Variants in KCNQ5 observed in about 807,000 individuals in gnomAD.
The protein encoded by KCNQ5 is potassium voltage-gated channel subfamily KQT member 5.
In KCNQ5, 30 loss-of-function variants were observed where a neutral mutation model predicts 98.2. The observed-to-expected ratio is 0.31, with a 90% CI of 0.23 to 0.41. KCNQ5 has a LOEUF of 0.41. KCNQ5 is among the 10% of genes least tolerant of loss of function. KCNQ5 has a pLI of 1.00. For missense variants in KCNQ5, 835 were observed against 1,182.5 expected (o/e 0.71, Z 4.31); for synonymous variants, 458 against 449.4 (o/e 1.02, Z -0.24).
At chr6:73,092,708 C>T (rs1774304608) in intron 5 of KCNQ5, among the ~76,000 whole-genome samples, 1 of 152,020 alleles carries the variant, frequency 6.6e-6, no homozygotes, top group African/African-American at 2.4e-5. Context: ...TGTGGTGTAT[C>T]ACATTTATTG....
chr6:72,729,927 G>A (rs1032067884), intron 1 of KCNQ5, among the ~76,000 whole-genome samples: 4 of 152,180 alleles, frequency 2.6e-5, no homozygotes, highest in Admixed American at 6.5e-5. Context: ...TTGGGAGGCC[G>A]AGGTGGGAGG....
chr6:72,697,478 A>G (rs1478089169), intron 1 of KCNQ5, among the ~76,000 whole-genome samples: 1 of 152,186 alleles, frequency 6.6e-6, no homozygotes, highest in Non-Finnish European at 1.5e-5. Flanking sequence ...CTAGATTTAA[A>G]CCTTAAACTA....
intron 1 of KCNQ5, among the ~76,000 whole-genome samples, chr6:72,955,546 AAAG>A (rs1052015320): frequency 2.0e-5 from 3 of 152,218 alleles, no homozygotes; most frequent in African/African-American, 7.2e-5. Flanking sequence ...TCTAATTAAA[AAAG>A]AAGATGTATA....
intron 10 of KCNQ5, among the ~76,000 whole-genome samples, chr6:73,168,528 C>A (rs1777887205): frequency 6.6e-6 from 1 of 152,100 alleles, no homozygotes; most frequent in South Asian, 2.1e-4. Flanking sequence ...CATGGTGAAA[C>A]CCCGTCTCTA....
At chr6:72,929,978 T>C (rs933630598) in intron 1 of KCNQ5, among the ~76,000 whole-genome samples, 6 of 152,156 alleles carry the variant, frequency 3.9e-5, no homozygotes, top group Non-Finnish European at 8.8e-5. Flanking sequence ...GGAAGCTTAG[T>C]GTAAGATTTG....
intron 1 of KCNQ5, among the ~76,000 whole-genome samples, chr6:72,967,340 T>C (rs1767667393): frequency 6.6e-6 from 1 of 152,206 alleles, no homozygotes; most frequent in Non-Finnish European, 1.5e-5. Flanking sequence ...TAGTGAAATA[T>C]AATGGTATTA....
At chr6:72,707,186 G>A (rs1313454863) in intron 1 of KCNQ5, among the ~76,000 whole-genome samples, 3 of 152,142 alleles carry the variant, frequency 2.0e-5, no homozygotes, top group African/African-American at 7.2e-5. Flanking sequence ...TAAAAGTATT[G>A]AAAATTTTTA....
At chr6:72,920,458 G>A (rs898347178) in intron 1 of KCNQ5, among the ~76,000 whole-genome samples, 1 of 152,170 alleles carries the variant, frequency 6.6e-6, no homozygotes, top group African/African-American at 2.4e-5. Context: ...ACGCATCTAA[G>A]ATAATCCGTG....
intron 3 of KCNQ5, among the ~76,000 whole-genome samples, chr6:73,061,445 C>T (rs1344432060): frequency 6.6e-6 from 1 of 152,046 alleles, no homozygotes; most frequent in East Asian, 1.9e-4. Flanking sequence ...TAGATGTTGA[C>T]TATTATTATT....
At chr6:72,692,414 G>C (rs1768257709) in intron 1 of KCNQ5, among the ~76,000 whole-genome samples, 1 of 152,178 alleles carries the variant, frequency 6.6e-6, no homozygotes, top group Non-Finnish European at 1.5e-5. Context: ...GATTATCAAG[G>C]TTCATGCAAC....
At chr6:73,026,306 C>G (rs1255536043) in intron 2 of KCNQ5, among the ~76,000 whole-genome samples, 2 of 152,154 alleles carry the variant, frequency 1.3e-5, no homozygotes, top group African/African-American at 4.8e-5. Flanking sequence ...TCCCAGATAT[C>G]CTCACCTCCT....
intron 1 of KCNQ5, among the ~76,000 whole-genome samples, chr6:72,832,385 T>C (rs1377893042): frequency 3.3e-5 from 5 of 152,122 alleles, no homozygotes; most frequent in Non-Finnish European, 7.4e-5. Context: ...AGTTCTCAAC[T>C]GAGGGCAATA....
chr6:73,154,747 T>A (rs1302541190), intron 10 of KCNQ5, among the ~76,000 whole-genome samples: 2 of 152,222 alleles, frequency 1.3e-5, no homozygotes, highest in African/African-American at 4.8e-5. Flanking sequence ...TACTTTAAAC[T>A]TCTTTTGCCT....
chr6:73,047,685 G>A (rs993394034), intron 3 of KCNQ5, among the ~76,000 whole-genome samples: 3 of 152,130 alleles, frequency 2.0e-5, no homozygotes, highest in African/African-American at 7.2e-5. Flanking sequence ...ACTATCACAT[G>A]TTACATAAGA....
chr6:73,072,140 A>T (rs919420330), intron 3 of KCNQ5, among the ~76,000 whole-genome samples: 3 of 152,076 alleles, frequency 2.0e-5, no homozygotes, highest in Non-Finnish European at 4.4e-5. Context: ...AATTTATGTT[A>T]GTTATTAGGG....
chr6:73,057,890 T>G (rs1772596714), intron 3 of KCNQ5, among the ~76,000 whole-genome samples: 2 of 152,174 alleles, frequency 1.3e-5, no homozygotes, highest in African/African-American at 4.8e-5. Context: ...ATGGTACTGG[T>G]ACAAAACACA....
chr6:72,700,291 A>ATATCTATATC (rs1554689991), intron 1 of KCNQ5, among the ~76,000 whole-genome samples: 5 of 149,178 alleles, frequency 3.4e-5, no homozygotes, highest in African/African-American at 9.9e-5. Flanking sequence ...CTATATATCT[A>ATATCTATATC]TATCTATCTA....
intron 1 of KCNQ5, among the ~76,000 whole-genome samples, chr6:72,940,767 C>T (rs80123310): frequency 0.094 from 14,353 of 152,134 alleles, 1,228 homozygotes; most frequent in African/African-American, 0.23. Flanking sequence ...GGCTTCTGCA[C>T]GTACTAGCTC....
intron 1 of KCNQ5, among the ~76,000 whole-genome samples, chr6:72,802,691 G>A (rs1313912169): frequency 6.6e-6 from 1 of 152,094 alleles, no homozygotes; most frequent in Non-Finnish European, 1.5e-5. Context: ...AAAGAGCCCT[G>A]TAGTCTGCAT....
Sources: gnomAD v4.1 joint callset for allele counts (sites outside exome capture counted in the v4.1 genomes callset) on GRCh38, gnomAD v4.1.1 for gene constraint, MANE v1.5 for transcripts, NCBI Gene and HGNC (gene_info 2026-07-23, HGNC 2026-07-21) for gene names.